UNKL: variants seen among roughly 807,000 people sequenced by gnomAD.
UNKL encodes the protein putative E3 ubiquitin-protein ligase UNKL.
A neutral mutation model predicts 78.0 loss-of-function variants in UNKL; 60 were observed. The ratio of observed to expected loss-of-function variants is 0.77; its 90% CI spans 0.63 to 0.95. The LOEUF (loss-of-function observed/expected upper bound fraction) is 0.95, where lower values mean the gene tolerates loss of function less well. Ranked by LOEUF, UNKL falls within the 40% of genes least tolerant of loss-of-function variation. The probability of loss-of-function intolerance (pLI) is 0.00; values close to 1 mark genes in which losing one functional copy is unlikely to be tolerated. For synonymous variants in UNKL, 608 were observed against 474.8 expected, an observed-to-expected ratio of 1.28 and a Z score of -3.65; for missense variants, 1,159 against 1,045.7, an observed-to-expected ratio of 1.11 and a Z score of -1.49.
chr16:1,404,056 G>C (rs754848297), intron 2 of UNKL, among the ~76,000 whole-genome samples: 6 of 152,178 alleles, frequency 3.9e-5, no homozygotes, highest in Non-Finnish European at 5.9e-5. Flanking sequence ...CAGCGACGGA[G>C]ACAAGGAGAC....
rs531174076 is a variant in UNKL at position 1,384,275 on chromosome 16, C to T, written c.1264+933G>A. ...GGCAGGTGTCCCCACCACCCCAACA[C>T]GGCCTTTCCCCAGGGGCTGAAAGGG... is the stretch of plus-strand genomic sequence containing the variant. On this transcript the variant is annotated intron_variant, in intron 10 of 14. Transcript: ENST00000389221. Among the ~76,000 whole-genome samples the T allele has an allele frequency of 6.0e-5, 9 of 151,118 alleles. No individual in the cohort carries two copies. In the South Asian group the frequency reaches 1.3e-3, roughly 21 times the overall value.
At chr16:1,392,224 C>T (rs1026988468) in intron 8 of UNKL, among the ~76,000 whole-genome samples, 1 of 152,178 alleles carries the variant, frequency 6.6e-6, no homozygotes, top group African/African-American at 2.4e-5. Flanking sequence ...TTGAAGGCAG[C>T]TGAGAAACAG....
rs1178209231 is a variant in UNKL at position 1,403,618 on chromosome 16, C to T, written c.288-274G>A. 6.6e-6 allele frequency among the ~76,000 whole-genome samples: 1 copy of T among 152,212 alleles called. No homozygotes were observed. Among genetic ancestry groups the T allele is most frequent in the Non-Finnish European group, 1.5e-5 (1 of 68,048 alleles). On this transcript the variant is annotated intron_variant, in intron 2 of 14. Coordinates refer to ENST00000389221, the MANE Select transcript of UNKL (RefSeq NM_001372107.1). This position sits in a 1 kb window ranked among gnomAD's most constrained non-coding sequence, Gnocchi z 4.8. ...TCGCAAACCCCCAGTCAGCCAAACACAGCAGGAAACACAATGCTGAATTTC... is the reference window on the plus strand; with the variant it reads ...TCGCAAACCCCCAGTCAGCCAAACATAGCAGGAAACACAATGCTGAATTTC...
intron 14 of UNKL, 149 bp downstream of exon 14, chr16:1,366,943 G>A: frequency 8.5e-7 from 1 of 1,180,100 alleles, no homozygotes; most frequent in Non-Finnish European, 1.1e-6. Flanking sequence ...GCTGTGCTGG[G>A]GTGGGGCACC....
rs778670919 is a variant in UNKL at position 1,367,301 on chromosome 16, G to C, written c.1837C>G (p.Arg613Gly). ...REAQEAKERA[R>G]VADSDRQLAL... ...AGCTGCCGGTCGCTATCGGCCACAC[G>C]GGCACGCTCCTTGGCCTCCTGCGCC... Residue 613 changes from arginine (R) to glycine (G), a missense_variant, in exon 14 of 15, where the codon CGT becomes GGT. By Grantham distance (125) the Arg-to-Gly change is moderately radical. Coordinates refer to ENST00000389221, the MANE Select transcript of UNKL (RefSeq NM_001372107.1). 4.5e-6 allele frequency: 7 copies of C among 1,556,562 alleles called. No individual in the cohort carries two copies. The highest frequency in any genetic ancestry group is 2.7e-5 in the African/African-American group (2 of 73,316).
chr16:1,365,448 G>A lies in UNKL; in HGVS notation c.*792C>T, dbSNP rs1362148870. ...TCCGAGGCGCAGGCGCACAGAAACA[G>A]CGGCCACGGACCACAGAAATGCAGG... On this transcript the variant is annotated 3_prime_UTR_variant, in exon 15 of 15. Transcript: ENST00000389221. 1 of 152,430 alleles carries A rather than the reference G, an allele frequency of 6.6e-6. No individual in the cohort carries two copies. Among genetic ancestry groups the A allele is most frequent in the Non-Finnish European group, 1.5e-5 (1 of 68,038 alleles). 9.4% of individuals were successfully genotyped at this position (152,430 alleles called of 1,614,324 possible).
intron 6 of UNKL, chr16:1,395,569 G>A (rs1319471011): frequency 4.9e-6 from 2 of 408,068 alleles, no homozygotes; most frequent in African/African-American, 4.1e-5. Flanking sequence ...TTCTAGTGGA[G>A]GCACAGGCCT....
chr16:1,403,398 C>A lies in UNKL; in HGVS notation c.288-54G>T. On this transcript the variant is annotated intron_variant, in intron 2 of 14. Transcript: ENST00000389221. This position sits in a 1 kb window ranked among gnomAD's most constrained non-coding sequence, Gnocchi z 4.8. ...GGTTATCATGGACCCAGAGGCAGCC[C>A]TAAGCTCCCTGGGTCCACGCCCTGT... The A allele has an allele frequency of 6.4e-7, 1 of 1,552,254 alleles. No homozygotes were observed. The highest frequency in any genetic ancestry group is 1.2e-5 in the South Asian group (1 of 80,146).
Position 1,367,536 on chromosome 16 carries a change from C to A in UNKL, c.1788+120G>T, listed in dbSNP as rs189596157. The A allele has an allele frequency of 2.7e-3, 2,541 of 943,202 alleles. 88 individuals are homozygous for A. The African/African-American group carries it at 0.052, about 19-fold the overall frequency. 58.4% of individuals were successfully genotyped at this position (943,202 alleles called of 1,614,324 possible). ...TCCCCCTCCCGTCTCACCCCCCACACGCTCACCTGAGTCACCTGCGGCCCT... is the reference window on the plus strand; with the variant it reads ...TCCCCCTCCCGTCTCACCCCCCACAAGCTCACCTGAGTCACCTGCGGCCCT... On this transcript the variant is annotated intron_variant, in intron 13 of 14. Coordinates refer to ENST00000389221, the MANE Select transcript of UNKL (RefSeq NM_001372107.1).
At position 1,371,516 on chromosome 16, in the gene UNKL, C is replaced by T. The variant is rs1195383228; in HGVS notation, c.1357+3G>A. The T allele has an allele frequency of 6.5e-7, 1 of 1,536,038 alleles. No individual in the cohort carries two copies. Among genetic ancestry groups the T allele is most frequent in the South Asian group, 1.2e-5 (1 of 84,062 alleles). ...CAGGGCCCCAGGTCCTCCCCACCCT[C>T]ACCTGCTGCTCCCAGGTCGTGGCCG... On this transcript the variant is annotated splice_donor_region_variant and intron_variant, in intron 11 of 14. Transcript: ENST00000389221.
intron 12 of UNKL, among the ~76,000 whole-genome samples, chr16:1,369,304 G>A (rs56171311): frequency 0.82 from 124,392 of 151,096 alleles, 51,946 homozygotes; most frequent in East Asian, 0.99. Flanking sequence ...TCCTGACGTC[G>A]TGATCCGCCC....
Position 1,367,168 on chromosome 16 carries a change from TCCCCACAG to T in UNKL, c.1962_1969del (p.Cys655HisfsTer57). On this transcript the variant is annotated frameshift_variant, in exon 14 of 15. Coordinates refer to ENST00000389221, the MANE Select transcript of UNKL (RefSeq NM_001372107.1). LOFTEE classifies it high-confidence loss of function. ...CTTCGGCAGGGGAATGGTGCCGATG[TCCCCACAG>T]CCCCGCAGCCCCGGCAGTGTGGAGG... 6.2e-7 allele frequency: 1 copy of T among 1,605,582 alleles called. No homozygotes were observed. Among genetic ancestry groups the T allele is most frequent in the Non-Finnish European group, 8.5e-7 (1 of 1,177,954 alleles).
Position 1,392,500 on chromosome 16 carries a change from C to T in UNKL, c.1023+391G>A, listed in dbSNP as rs115805221. Among the ~76,000 whole-genome samples, 260 of 152,118 alleles carry T rather than the reference C, an allele frequency of 1.7e-3. 3 individuals are homozygous for T. Among genetic ancestry groups the T allele is most frequent in the African/African-American group, 5.4e-3 (224 of 41,494 alleles). Reference sequence around the variant, plus strand: ...CCCAGACTGAAGTGAAATGACGGGACCTCACCTCACCACAACCTCCGTCTC... The same window carrying T: ...CCCAGACTGAAGTGAAATGACGGGATCTCACCTCACCACAACCTCCGTCTC... On this transcript the variant is annotated intron_variant, in intron 8 of 14. Transcript: ENST00000389221.
intron 10 of UNKL, among the ~76,000 whole-genome samples, chr16:1,375,198 G>T (rs1044993422): frequency 6.6e-6 from 1 of 152,226 alleles, no homozygotes; most frequent in Admixed American, 6.5e-5. Context: ...GCAGAGGCTG[G>T]CGTGGACGTG....
At chr16:1,393,000 A>G in intron 7 of UNKL, 24 bp from the exon 8 acceptor site, 1 of 1,549,594 alleles carries the variant, frequency 6.5e-7, no homozygotes, top group South Asian at 1.2e-5. Context: ...GGAGCAGCAG[A>G]CTCTGAGGGC....
chr16:1,398,297 A>G (rs2037364276), intron 5 of UNKL: 2 of 997,756 alleles, frequency 2.0e-6, no homozygotes, highest in Non-Finnish European at 1.2e-6. Flanking sequence ...AAAATCCTCT[A>G]CTCTTCGTGG....
chr16:1,375,047 C>T (rs912799932), intron 10 of UNKL, among the ~76,000 whole-genome samples: 48 of 152,188 alleles, frequency 3.2e-4, no homozygotes, highest in Non-Finnish European at 4.7e-4. Context: ...CACCAGTCAG[C>T]GCCACGGGGA....
rs1243193355 is a variant in UNKL at position 1,387,761 on chromosome 16, G to C, written c.1087-2376C>G. Among the ~76,000 whole-genome samples the C allele has an allele frequency of 6.6e-6, 1 of 151,686 alleles. No individual in the cohort carries two copies. The highest frequency in any genetic ancestry group is 2.4e-5 in the African/African-American group (1 of 41,246). ...CCGGCCCTCCGGGGACGTGGACACTGCACCGCCGCACGGCTGCCCGGCCTG... is the reference window on the plus strand; with the variant it reads ...CCGGCCCTCCGGGGACGTGGACACTCCACCGCCGCACGGCTGCCCGGCCTG... On this transcript the variant is annotated intron_variant, in intron 9 of 14. Coordinates refer to ENST00000389221, the MANE Select transcript of UNKL (RefSeq NM_001372107.1). The surrounding 1 kb of genome is among the most constrained non-coding windows in gnomAD (Gnocchi z 4.1).
At chr16:1,408,545 T>C (rs1324196358) in intron 2 of UNKL, 1 of 154,270 alleles carries the variant, frequency 6.5e-6, no homozygotes, top group Middle Eastern at 7.2e-4. Context: ...CGCCGAGAAG[T>C]GACCTGGGGA....
Sources: gnomAD v4.1 joint callset for allele counts (sites outside exome capture counted in the v4.1 genomes callset) on GRCh38, gnomAD v4.1.1 for gene constraint, Gnocchi (gnomAD v3.1) non-coding constraint, MANE v1.5 for transcripts, NCBI Gene and HGNC (gene_info 2026-07-23, HGNC 2026-07-21) for gene names.